TP63: variants seen among roughly 807,000 people sequenced by gnomAD.
TP63 encodes tumor protein p63, also known as tumor protein 63.
TP63 carries 17 observed loss-of-function variants against 82.8 expected under a neutral mutation model. The observed-to-expected ratio is 0.21, with a 90% confidence interval of 0.14 to 0.31. The LOEUF (loss-of-function observed/expected upper bound fraction) is 0.31. Among genes scored for constraint, TP63 ranks in the 10% least tolerant of loss-of-function variants. TP63 has a pLI of 1.00. For synonymous variants in TP63, 330 were observed against 321.7 expected, an observed-to-expected ratio of 1.03 and a Z score of -0.28; for missense variants, 648 against 895.3, an observed-to-expected ratio of 0.72 and a Z score of 3.52.
At chr3:189,643,468 C>A (rs1185832195) in intron 1 of TP63, among the ~76,000 whole-genome samples, 1 of 121,804 alleles carries the variant, frequency 8.2e-6, no homozygotes, top group Admixed American at 7.8e-5. Context: ...AAAAAAAAAA[C>A]CCTCAATGCT....
chr3:189,791,046 T>C lies in TP63; in HGVS notation c.325-17226T>C, dbSNP rs79549176. 3.9e-5 allele frequency among the ~76,000 whole-genome samples: 6 copies of C among 152,282 alleles called. 1 individual carries two copies. The highest frequency in any genetic ancestry group is 1.2e-4 in the African/African-American group (5 of 41,570). On this transcript the variant is annotated intron_variant, in intron 3 of 13. Coordinates refer to ENST00000264731, the MANE Select transcript of TP63 (RefSeq NM_003722.5). ...GCTTGCTTGTCCTCAGTAGAGAAAC[T>C]TGAGTTTCTTGTTTTGCAGTTATAT...
At chr3:189,640,053 A>C (rs1277469712) in intron 1 of TP63, among the ~76,000 whole-genome samples, 1 of 152,066 alleles carries the variant, frequency 6.6e-6, no homozygotes, top group African/African-American at 2.4e-5. Flanking sequence ...TTCTGGCTCA[A>C]AGAAACTTCT....
the TP63 span, among the ~76,000 whole-genome samples, chr3:189,620,173 C>T: frequency 2.8e-4 from 43 of 152,128 alleles, no homozygotes; most frequent in Non-Finnish European, 4.0e-4. Flanking sequence ...GAGATCGAGA[C>T]CATCCTGATC....
rs1329367439 is a variant in TP63 at position 189,737,354 on chromosome 3, G to C, written c.63-386G>C. ...GCAGAATGGGCAGATAATCAGTTGA[G>C]ACTATTATAAAATGGGTTTAATGAT... On this transcript the variant is annotated intron_variant, in intron 1 of 13. Coordinates refer to ENST00000264731, the MANE Select transcript of TP63 (RefSeq NM_003722.5). Among the ~76,000 whole-genome samples, 3 of 152,238 alleles carry C rather than the reference G, an allele frequency of 2.0e-5. No individual in the cohort carries two copies. The East Asian group carries it at 5.8e-4, about 29-fold the overall frequency.
At chr3:189,800,267 A>G (rs528118852) in intron 3 of TP63, among the ~76,000 whole-genome samples, 1 of 152,074 alleles carries the variant, frequency 6.6e-6, no homozygotes, top group East Asian at 1.9e-4. Context: ...CAGAGTTTCA[A>G]ATAGTGCCTC....
At chr3:189,758,504 C>T (rs1722350142) in intron 3 of TP63, among the ~76,000 whole-genome samples, 1 of 152,202 alleles carries the variant, frequency 6.6e-6, no homozygotes, top group Admixed American at 6.5e-5. Flanking sequence ...CAGAAGTACA[C>T]CAACATATAA....
At chr3:189,643,846 G>C (rs1343018372) in intron 1 of TP63, among the ~76,000 whole-genome samples, 1 of 152,144 alleles carries the variant, frequency 6.6e-6, no homozygotes, top group Non-Finnish European at 1.5e-5. Context: ...CAACACTGCT[G>C]TTTTGGGATC....
At chr3:189,761,950 C>T (rs535271594) in intron 3 of TP63, among the ~76,000 whole-genome samples, 85 of 152,220 alleles carry the variant, frequency 5.6e-4, no homozygotes, top group African/African-American at 1.9e-3. Context: ...TTCACTATCA[C>T]GAGAACAGCA....
intron 1 of TP63, among the ~76,000 whole-genome samples, chr3:189,650,905 A>G (rs891369041): frequency 6.1e-5 from 9 of 146,946 alleles, no homozygotes; most frequent in Non-Finnish European, 1.5e-5. Context: ...AGAGATCCGG[A>G]GGGCTCAGAA....
At chr3:189,829,825 A>G in intron 4 of TP63, 1 of 268,980 alleles carries the variant, frequency 3.7e-6, no homozygotes, top group Non-Finnish European at 7.8e-6. Context: ...GTTTTTTTCA[A>G]ATATTAGCCC....
At chr3:189,708,207 T>G (rs748218024) in intron 1 of TP63, among the ~76,000 whole-genome samples, 1 of 152,216 alleles carries the variant, frequency 6.6e-6, no homozygotes, top group Non-Finnish European at 1.5e-5. Flanking sequence ...TGAATTCAAT[T>G]TGTACAATCT....
chr3:189,680,809 G>A (rs887161743), intron 1 of TP63, among the ~76,000 whole-genome samples: 4 of 152,126 alleles, frequency 2.6e-5, no homozygotes, highest in African/African-American at 9.7e-5. Flanking sequence ...CTAGGTACAA[G>A]GGGTCCATCC....
Position 189,894,640 on chromosome 3 carries a change from GC to G in TP63, c.*139del. On this transcript the variant is annotated 3_prime_UTR_variant, in exon 14 of 14. Transcript: ENST00000264731. Reference sequence around the variant, plus strand: ...TTCTTAGGGGAAGGAGAAGTAAGAGGCTACCTCTTACCTAACATCTGACCTG... The same window carrying G: ...TTCTTAGGGGAAGGAGAAGTAAGAGGTACCTCTTACCTAACATCTGACCTG... 14 of 1,060,884 alleles carry G rather than the reference GC, an allele frequency of 1.3e-5. No homozygotes were observed. The highest frequency in any genetic ancestry group is 1.9e-5 in the Non-Finnish European group (14 of 731,584). The allele number at this position is 1,060,884 out of a possible 1,614,324, so 65.7% of individuals were successfully genotyped here. A position where few individuals can be genotyped will look rare whatever the true frequency, so the allele number is the denominator to read the frequency against.
At chr3:189,868,090 A>G (rs902962317) in intron 7 of TP63, 148 bp downstream of exon 7, 18 of 754,848 alleles carry the variant, frequency 2.4e-5, no homozygotes, top group Non-Finnish European at 4.2e-5. Flanking sequence ...ACGGTTACAT[A>G]AAAGATCTAA....
chr3:189,706,645 A>G (rs1718224001), intron 1 of TP63, among the ~76,000 whole-genome samples: 1 of 152,156 alleles, frequency 6.6e-6, no homozygotes, highest in South Asian at 2.1e-4. Flanking sequence ...CCAGCAATAC[A>G]TCTCAAGCAG....
intron 4 of TP63, among the ~76,000 whole-genome samples, chr3:189,849,647 T>C (rs1715373666): frequency 6.6e-6 from 1 of 152,102 alleles, no homozygotes; most frequent in Non-Finnish European, 1.5e-5. Context: ...TTTCAAGACA[T>C]GTGTCACAAT....
At chr3:189,701,656 G>C (rs1717818167) in intron 1 of TP63, among the ~76,000 whole-genome samples, 1 of 151,638 alleles carries the variant, frequency 6.6e-6, no homozygotes, top group Non-Finnish European at 1.5e-5. Context: ...AACAGAAAAT[G>C]GAGGGGAAAG....
At chr3:189,650,342 T>A (rs1467910940) in intron 1 of TP63, among the ~76,000 whole-genome samples, 1 of 147,334 alleles carries the variant, frequency 6.8e-6, no homozygotes, top group East Asian at 2.4e-4. Context: ...AAATGTAATT[T>A]ATCTTGAATA....
rs140468705 is a variant in TP63 at position 189,742,158 on chromosome 3, G to T, written c.324+3384G>T. On this transcript the variant is annotated intron_variant, in intron 3 of 13. Transcript: ENST00000264731. Reference sequence around the variant, plus strand: ...CTCAGGAGGCTGAGGCAGGAGAATCGCTTGAGCCTGGGAGGTGGAGGTTGC... The same window carrying T: ...CTCAGGAGGCTGAGGCAGGAGAATCTCTTGAGCCTGGGAGGTGGAGGTTGC... Among the ~76,000 whole-genome samples the T allele has an allele frequency of 2.0e-5, 3 of 147,190 alleles. No homozygotes were observed. In the East Asian group the frequency reaches 6.0e-4, roughly 30 times the overall value.
Sources: allele counts gnomAD v4.1 joint callset (sites outside exome capture counted in the v4.1 genomes callset), GRCh38; gene constraint gnomAD v4.1.1; transcripts MANE v1.5; gene names NCBI Gene and HGNC (gene_info 2026-07-23, HGNC 2026-07-21).